The following NXPE2 variants were observed in gnomAD, a reference collection of about 807,000 sequenced individuals.
NXPE2 encodes NXPE family member 2.
NXPE2 carries 34 observed loss-of-function variants against 34.4 expected under a neutral mutation model. The ratio of observed to expected loss-of-function variants is 0.99; its 90% confidence interval spans 0.75 to 1.31. The LOEUF (loss-of-function observed/expected upper bound fraction) is 1.31. Among genes scored for constraint, NXPE2 ranks in the 40% most tolerant of loss-of-function variants. The pLI is 0.00. For synonymous variants in NXPE2, 235 were observed against 231.3 expected (o/e 1.02, Z -0.15); for missense variants, 649 against 672.5 (o/e 0.97, Z 0.39).
At chr11:114,770,383 G>A in the NXPE2 span, among the ~76,000 whole-genome samples, 1 of 152,218 alleles carries the variant, frequency 6.6e-6, no homozygotes, top group Non-Finnish European at 1.5e-5. Flanking sequence ...GTGTGGCTAT[G>A]TGTGTGTGCA....
At chr11:114,775,421 G>A in the NXPE2 span, among the ~76,000 whole-genome samples, 2 of 152,200 alleles carry the variant, frequency 1.3e-5, no homozygotes, top group African/African-American at 4.8e-5. Context: ...CTAGAAATTA[G>A]AAACCTCAAC....
the NXPE2 span, among the ~76,000 whole-genome samples, chr11:114,724,034 AAG>A: frequency 3.9e-5 from 6 of 152,296 alleles, no homozygotes; most frequent in African/African-American, 1.4e-4. Context: ...ATCACAAACT[AAG>A]AAACTTTCTG....
chr11:114,747,873 T>C, the NXPE2 span, among the ~76,000 whole-genome samples: 7 of 152,216 alleles, frequency 4.6e-5, no homozygotes, highest in Non-Finnish European at 8.8e-5. Context: ...GAATATGATA[T>C]ATTATCAAGT....
chr11:114,783,517 C>T, the NXPE2 span, among the ~76,000 whole-genome samples: 10 of 152,196 alleles, frequency 6.6e-5, no homozygotes, highest in African/African-American at 2.4e-4. Context: ...AGAGATCACA[C>T]ATAGTGACTC....
chr11:114,573,616 CAA>C, the NXPE2 span, among the ~76,000 whole-genome samples: 1 of 151,922 alleles, frequency 6.6e-6, no homozygotes, highest in Non-Finnish European at 1.5e-5. Flanking sequence ...TTTAAAAAGA[CAA>C]AGAGGGACAT....
the NXPE2 span, among the ~76,000 whole-genome samples, chr11:114,768,596 G>A: frequency 1.3e-5 from 2 of 152,108 alleles, no homozygotes; most frequent in African/African-American, 4.8e-5. Flanking sequence ...TTGAGCAGTG[G>A]TGTGTGGTTC....
chr11:114,743,562 T>C, the NXPE2 span, among the ~76,000 whole-genome samples: 1 of 151,896 alleles, frequency 6.6e-6, no homozygotes, highest in Non-Finnish European at 1.5e-5. Flanking sequence ...AAAACTTGCA[T>C]GTACTTTTTG....
chr11:114,480,405 A>G, the NXPE2 span, among the ~76,000 whole-genome samples: 1 of 152,116 alleles, frequency 6.6e-6, no homozygotes, highest in Non-Finnish European at 1.5e-5. Context: ...TTGGGGAGAA[A>G]ATTCTTTCTT....
chr11:114,735,303 C>T, the NXPE2 span, among the ~76,000 whole-genome samples: 9 of 152,090 alleles, frequency 5.9e-5, no homozygotes. Flanking sequence ...TTGTTGGGAC[C>T]TTTCAAAATC....
the NXPE2 span, chr11:114,579,981 A>T: frequency 1.5e-6 from 1 of 658,390 alleles, no homozygotes; most frequent in South Asian, 1.9e-5. Flanking sequence ...GTTTTTTTAA[A>T]GGAAGGATAA....
intron 2 of NXPE2, among the ~76,000 whole-genome samples, chr11:114,685,507 A>G (rs1417037926): frequency 6.6e-6 from 1 of 152,196 alleles, no homozygotes; most frequent in Admixed American, 6.5e-5. Context: ...TCTTAATACC[A>G]TCACATTGAA....
At chr11:114,621,143 G>T in the NXPE2 span, among the ~76,000 whole-genome samples, 2 of 152,172 alleles carry the variant, frequency 1.3e-5, no homozygotes, top group East Asian at 3.9e-4. Flanking sequence ...TGTTTCATGG[G>T]TAAACACTGT....
At chr11:114,537,703 A>T in the NXPE2 span, among the ~76,000 whole-genome samples, 1 of 152,122 alleles carries the variant, frequency 6.6e-6, no homozygotes, top group South Asian at 2.1e-4. Flanking sequence ...AGAATAAAAT[A>T]CCTAGGAATC....
the NXPE2 span, chr11:114,570,910 G>A: frequency 1.3e-6 from 2 of 1,495,962 alleles, no homozygotes; most frequent in Admixed American, 1.9e-5. Context: ...TTTTACTTAA[G>A]TGAATGAATT....
chr11:114,494,817 CTGGGCTTGTGTG>C, the NXPE2 span, among the ~76,000 whole-genome samples: 10 of 152,162 alleles, frequency 6.6e-5, no homozygotes, highest in Admixed American at 5.9e-4. Context: ...TCTTCATGGT[CTGGGCTTGTGTG>C]CACCTGTCCT....
At chr11:114,594,697 C>T in the NXPE2 span, 1 of 1,603,816 alleles carries the variant, frequency 6.2e-7, no homozygotes, top group Non-Finnish European at 8.5e-7. Flanking sequence ...TAAAAATGAT[C>T]CAGGAGGCTA....
At chr11:114,567,402 C>A in the NXPE2 span, among the ~76,000 whole-genome samples, 31,492 of 151,644 alleles carry the variant, frequency 0.21, 4,331 homozygotes, top group African/African-American at 0.38. Context: ...ACTGCAGACC[C>A]GCTCTAGCCT....
the NXPE2 span, among the ~76,000 whole-genome samples, chr11:114,783,376 C>A: frequency 6.6e-6 from 1 of 152,172 alleles, no homozygotes; most frequent in Non-Finnish European, 1.5e-5. Context: ...GAATGCCTGA[C>A]ATGTATGAGC....
rs1161651999 is a variant in NXPE2, at chr11:114,706,409, GATC to G, written c.1165_1167del (p.His389del). The G allele has an allele frequency of 6.5e-7, 1 of 1,531,192 alleles. No homozygotes were observed. The highest frequency in any genetic ancestry group is 8.8e-7 in the Non-Finnish European group (1 of 1,138,910). The allele number at this position is 1,531,192 out of a possible 1,614,324, so 94.9% of individuals were successfully genotyped here. The stretch of plus-strand genomic sequence containing the variant: ...TCTTTCATCAGCCCTAAAATATTTT[GATC>G]ATCATGGAGCTGGGATCTTTAAAAC... On this transcript the variant is annotated inframe_deletion, in exon 6 of 6. Coordinates refer to ENST00000389586, the MANE Select transcript of NXPE2 (RefSeq NM_182495.6).
Sources: gnomAD v4.1 joint callset for allele counts (sites outside exome capture counted in the v4.1 genomes callset) on GRCh38, gnomAD v4.1.1 for gene constraint, MANE v1.5 for transcripts, NCBI Gene and HGNC (gene_info 2026-07-23, HGNC 2026-07-21) for gene names.